Variants in AKAP13 observed in about 807,000 individuals in gnomAD.
The protein encoded by AKAP13 is A-kinase anchor protein 13.
In AKAP13, 80 loss-of-function variants were observed where a neutral mutation model predicts 264.5. The ratio of observed to expected loss-of-function variants is 0.30; its 90% CI spans 0.25 to 0.36. The LOEUF (loss-of-function observed/expected upper bound fraction) is 0.36. Ranked by LOEUF, AKAP13 falls within the 10% of genes least tolerant of loss-of-function variation. The pLI is 1.00. For missense variants in AKAP13, 3,712 were observed against 3,435.2 expected (o/e 1.08, Z -2.01); for synonymous variants, 1,380 against 1,250.2 (o/e 1.10, Z -2.19).
chr15:85,523,507 C>T (rs1434574671), intron 3 of AKAP13, among the ~76,000 whole-genome samples: 1 of 152,178 alleles, frequency 6.6e-6, no homozygotes, highest in African/African-American at 2.4e-5. Context: ...TGCCTCCTCT[C>T]CACATTCCCT....
At chr15:85,706,454 T>C (rs1457811596) in intron 17 of AKAP13, among the ~76,000 whole-genome samples, 1 of 152,108 alleles carries the variant, frequency 6.6e-6, no homozygotes, top group African/African-American at 2.4e-5. Context: ...TGGGGGAAAA[T>C]GTGATTCCTC....
At chr15:85,699,770 A>G (rs1300155550) in intron 17 of AKAP13, among the ~76,000 whole-genome samples, 1 of 152,272 alleles carries the variant, frequency 6.6e-6, no homozygotes, top group African/African-American at 2.4e-5. Flanking sequence ...GTAAGCTTAT[A>G]AGCCTTGAGG....
At position 85,743,822 on chromosome 15, in the gene AKAP13, G is replaced by T; in HGVS notation, c.8389G>T (p.Gly2797Cys). The change falls in exon 36 of 37, where the codon GGT becomes TGT. Residue 2797 changes from glycine (G) to cysteine (C), a missense_variant. Physicochemically the swap from Gly to Cys is radical, Grantham distance 159 (BLOSUM62 -3). Transcript: ENST00000394518. ...GAACAAAACCAGCCGCTCTCAGCCC[G>T]GTGGTGAGTCACGCACACCTGCTCT... ...KKNKTSRSQPGDGPASEVSAE... is the reference protein window; with the variant it reads ...KKNKTSRSQPCDGPASEVSAE... 6.2e-7 allele frequency: 1 copy of T among 1,607,690 alleles called. No individual in the cohort carries two copies. Among genetic ancestry groups the T allele is most frequent in the South Asian group, 1.1e-5 (1 of 90,520 alleles).
At chr15:85,601,603 A>G (rs2080073952) in intron 8 of AKAP13, among the ~76,000 whole-genome samples, 1 of 53,572 alleles carries the variant, frequency 1.9e-5, no homozygotes, top group Non-Finnish European at 4.3e-5. Context: ...TCTCACCTGA[A>G]TTCTTTGTGT....
intron 8 of AKAP13, among the ~76,000 whole-genome samples, chr15:85,602,542 A>G (rs1273520389): frequency 6.6e-6 from 1 of 151,796 alleles, no homozygotes; most frequent in Non-Finnish European, 1.5e-5. Flanking sequence ...GCTGGAGTGC[A>G]GTGGTGCAGT....
intron 8 of AKAP13, among the ~76,000 whole-genome samples, chr15:85,592,919 C>T (rs1051524309): frequency 6.6e-6 from 1 of 152,032 alleles, no homozygotes; most frequent in African/African-American, 2.4e-5. Context: ...TTTTAAGTGA[C>T]CTTAAGCAAG....
At chr15:85,648,923 C>T (rs2082680898) in intron 10 of AKAP13, among the ~76,000 whole-genome samples, 2 of 152,220 alleles carry the variant, frequency 1.3e-5, no homozygotes, top group African/African-American at 4.8e-5. Flanking sequence ...TTCACCTCCT[C>T]ATGCATGCTT....
intron 1 of AKAP13, among the ~76,000 whole-genome samples, chr15:85,422,492 G>A (rs2072569275): frequency 6.6e-6 from 1 of 152,226 alleles, no homozygotes. Flanking sequence ...CTTTAAGGAA[G>A]TAATGTAATT....
At chr15:85,415,702 CT>C (rs1280562762) in intron 1 of AKAP13, 1 of 792,596 alleles carries the variant, frequency 1.3e-6, no homozygotes, top group African/African-American at 1.8e-5. Context: ...ATGAGCAAAT[CT>C]CCATACCGTT....
intron 5 of AKAP13, among the ~76,000 whole-genome samples, chr15:85,551,490 G>T (rs1199616222): frequency 1.3e-5 from 2 of 152,186 alleles, no homozygotes; most frequent in African/African-American, 4.8e-5. Flanking sequence ...TCCAAGTCCT[G>T]TGAACTTTTA....
intron 8 of AKAP13, among the ~76,000 whole-genome samples, chr15:85,614,555 C>G (rs55911814): frequency 1.3e-5 from 2 of 152,162 alleles, no homozygotes; most frequent in Non-Finnish European, 2.9e-5. Flanking sequence ...ACATCTTTTT[C>G]TGTCCTTTAG....
chr15:85,546,807 G>A (rs1047091131), intron 5 of AKAP13, among the ~76,000 whole-genome samples: 1 of 150,286 alleles, frequency 6.7e-6, no homozygotes, highest in Non-Finnish European at 1.5e-5. Flanking sequence ...GCAGTGGCAC[G>A]ATCTTGTCTC....
At chr15:85,725,914 G>A (rs143919835) in intron 26 of AKAP13, among the ~76,000 whole-genome samples, 516 of 152,318 alleles carry the variant, frequency 3.4e-3, no homozygotes, top group African/African-American at 0.012. Context: ...CATGGAAGAC[G>A]TCTTTTCATT....
chr15:85,627,309 C>T (rs1310288811), intron 8 of AKAP13, among the ~76,000 whole-genome samples: 2 of 152,120 alleles, frequency 1.3e-5, no homozygotes, highest in Non-Finnish European at 2.9e-5. Flanking sequence ...TTTCCTATTT[C>T]TGTTCATTGT....
rs1473021725 is a variant in AKAP13, at chr15:85,662,474, C to T, written c.4800-2089C>T. The stretch of plus-strand genomic sequence containing the variant: ...AGAAGGTATGATATTGTTATGTGTC[C>T]CGCCACCAAATGGGGAACCATAAAA... On this transcript the variant is annotated intron_variant, in intron 12 of 36. Transcript: ENST00000394518. 3.7e-6 allele frequency: 6 copies of T among 1,613,716 alleles called. No individual in the cohort carries two copies. The African/African-American group carries it at 6.7e-5, about 18-fold the overall frequency.
At chr15:85,547,239 C>T (rs909942017) in intron 5 of AKAP13, among the ~76,000 whole-genome samples, 1 of 152,150 alleles carries the variant, frequency 6.6e-6, no homozygotes, top group African/African-American at 2.4e-5. Flanking sequence ...GCTTATTTAA[C>T]CCCATTTATA....
At chr15:85,508,782 C>A (rs1305167248) in intron 2 of AKAP13, among the ~76,000 whole-genome samples, 1 of 152,158 alleles carries the variant, frequency 6.6e-6, no homozygotes, top group Non-Finnish European at 1.5e-5. Flanking sequence ...TCCAGACTGA[C>A]CTTTGCTATT....
At chr15:85,484,958 C>G (rs1231350039) in intron 1 of AKAP13, among the ~76,000 whole-genome samples, 1 of 152,148 alleles carries the variant, frequency 6.6e-6, no homozygotes, top group Non-Finnish European at 1.5e-5. Flanking sequence ...TTCTCTGACT[C>G]TTAAGAGATT....
intron 17 of AKAP13, among the ~76,000 whole-genome samples, chr15:85,698,520 AC>A (rs1192751737): frequency 6.6e-6 from 1 of 151,846 alleles, no homozygotes. Flanking sequence ...AGGTTGCCAA[AC>A]TTTTTCTGCA....
Sources: gnomAD v4.1 joint callset for allele counts (sites outside exome capture counted in the v4.1 genomes callset) on GRCh38, gnomAD v4.1.1 for gene constraint, MANE v1.5 for transcripts, NCBI Gene and HGNC (gene_info 2026-07-23, HGNC 2026-07-21) for gene names.